USH2A: variants seen among roughly 807,000 people sequenced by gnomAD.
USH2A encodes the protein Usher syndrome 2A (autosomal recessive, mild).
In USH2A, 443 loss-of-function variants were observed where a neutral mutation model predicts 538.9. The ratio of observed to expected loss-of-function variants is 0.82; its 90% CI spans 0.76 to 0.89. The LOEUF (loss-of-function observed/expected upper bound fraction) is 0.89, where lower values mean the gene tolerates loss of function less well. Ranked by LOEUF, USH2A falls within the 40% of genes least tolerant of loss-of-function variation. The pLI is 0.00. For missense variants in USH2A, 6,633 were observed against 6,324.8 expected, an observed-to-expected ratio of 1.05 and a Z score of -1.65; for synonymous variants, 2,413 against 2,273.5, an observed-to-expected ratio of 1.06 and a Z score of -1.75.
intron 21 of USH2A, among the ~76,000 whole-genome samples, chr1:216,100,398 G>A (rs892055666): frequency 2.0e-5 from 3 of 152,172 alleles, no homozygotes; most frequent in African/African-American, 7.2e-5. Flanking sequence ...TACAACCTGA[G>A]CAGAGAACAA....
intron 21 of USH2A, among the ~76,000 whole-genome samples, chr1:216,158,128 C>T (rs989974159): frequency 6.6e-5 from 10 of 152,048 alleles, no homozygotes; most frequent in African/African-American, 2.4e-4. Context: ...ATTTATTATC[C>T]ATTCTACTGT....
chr1:215,759,908 A>G, intron 56 of USH2A, 65 bp from the exon 57 acceptor site: 1 of 1,586,254 alleles, frequency 6.3e-7, no homozygotes. Context: ...CAAAAGTCAC[A>G]CCATCCCCCC....
chr1:215,646,999 G>A (rs911268989), intron 67 of USH2A, among the ~76,000 whole-genome samples: 7 of 152,156 alleles, frequency 4.6e-5, no homozygotes, highest in Non-Finnish European at 1.0e-4. Context: ...CACGACACTC[G>A]CCTAACGATG....
intron 56 of USH2A, 33 bp downstream of exon 56, chr1:215,766,648 T>C (rs756265847): frequency 1.3e-6 from 2 of 1,588,044 alleles, no homozygotes; most frequent in Non-Finnish European, 8.6e-7. Flanking sequence ...TGTGAAAATT[T>C]CTTCCCTCAA....
At chr1:216,253,605 G>A (rs955376912) in intron 11 of USH2A, among the ~76,000 whole-genome samples, 2 of 152,064 alleles carry the variant, frequency 1.3e-5, no homozygotes, top group African/African-American at 2.4e-5. Context: ...AATTCTATGC[G>A]TATTGATCAT....
At chr1:216,153,496 T>G (rs1214559309) in intron 21 of USH2A, among the ~76,000 whole-genome samples, 3 of 152,196 alleles carry the variant, frequency 2.0e-5, no homozygotes, top group African/African-American at 7.2e-5. Flanking sequence ...GGAGCCCAAT[T>G]ATATTCCTAT....
At chr1:216,270,388 C>T (rs2036552096) in intron 11 of USH2A, among the ~76,000 whole-genome samples, 2 of 152,234 alleles carry the variant, frequency 1.3e-5, no homozygotes, top group South Asian at 4.1e-4. Context: ...AAAAGGAAAT[C>T]ATTTAATCAA....
chr1:216,238,596 G>T (rs540390561), intron 13 of USH2A, among the ~76,000 whole-genome samples: 1 of 152,230 alleles, frequency 6.6e-6, no homozygotes, highest in Non-Finnish European at 1.5e-5. Context: ...AAACCAATGT[G>T]TCTCTAATGT....
At position 216,324,333 on chromosome 1, in the gene USH2A, T is replaced by C. The variant is rs1325890734; in HGVS notation, c.1163A>G (p.Gln388Arg). The C allele has an allele frequency of 1.7e-5, 28 of 1,611,698 alleles. No individual in the cohort carries two copies. The highest frequency in any genetic ancestry group is 2.4e-5 in the Non-Finnish European group (28 of 1,178,802). ...TTCCGTTGGTTGTGGACTAAAGAAC[T>C]GAATGATAATATAAAACACCTGAAA... The part of the protein sequence containing the change: ...GQYQVFYIII[Q>R]FFSPQPTEIR... Residue 388 changes from glutamine to arginine, a missense_variant, in exon 7 of 72, where the codon CAG (glutamine) becomes CGG (arginine). Coordinates refer to ENST00000307340, the MANE Select transcript of USH2A (RefSeq NM_206933.4).
intron 61 of USH2A, among the ~76,000 whole-genome samples, chr1:215,684,593 TG>T (rs1658347128): frequency 6.6e-6 from 1 of 152,208 alleles, no homozygotes; most frequent in Admixed American, 6.5e-5. Context: ...CTTTTTACCC[TG>T]CTCCCAGTAA....
chr1:216,041,212 G>A (rs2030259285), intron 32 of USH2A, among the ~76,000 whole-genome samples: 1 of 151,920 alleles, frequency 6.6e-6, no homozygotes, highest in South Asian at 2.1e-4. Flanking sequence ...AACAGCCTTC[G>A]GGAGGTTCTC....
intron 58 of USH2A, among the ~76,000 whole-genome samples, chr1:215,755,148 T>G (rs1462086798): frequency 6.6e-6 from 1 of 151,964 alleles, no homozygotes; most frequent in Non-Finnish European, 1.5e-5. Flanking sequence ...ATATGTGGAG[T>G]TTTTAAAAAG....
intron 37 of USH2A, among the ~76,000 whole-genome samples, chr1:215,949,027 C>CA (rs1470777617): frequency 1.3e-5 from 2 of 152,042 alleles, no homozygotes; most frequent in South Asian, 2.1e-4. Context: ...GGGCTGGACT[C>CA]ACGTTCTTTG....
At chr1:215,626,500 C>T (rs1280284271) in intron 71 of USH2A, among the ~76,000 whole-genome samples, 1 of 151,866 alleles carries the variant, frequency 6.6e-6, no homozygotes. Flanking sequence ...TCCATTTCTT[C>T]CCACTCTTGT....
At chr1:216,174,363 T>A (rs2034331489) in intron 21 of USH2A, 1 of 983,854 alleles carries the variant, frequency 1.0e-6, no homozygotes, top group Non-Finnish European at 1.2e-6. Context: ...ATAAGTAGAG[T>A]TTTTTTACAG....
Position 215,634,455 on chromosome 1 carries a change from A to G in USH2A, c.15297+4T>C. 6.2e-7 allele frequency: 1 copy of G among 1,614,212 alleles called. No individual in the cohort carries two copies. Among genetic ancestry groups the G allele is most frequent in the South Asian group, 1.1e-5 (1 of 91,082 alleles). ...GAAATGGGGCCACACCTCTACAAACATACCATATGGTTTTCCCCCGGTGGG... is the reference window on the plus strand; with the variant it reads ...GAAATGGGGCCACACCTCTACAAACGTACCATATGGTTTTCCCCCGGTGGG... On this transcript the variant is annotated splice_donor_region_variant and intron_variant, in intron 70 of 71. Coordinates refer to ENST00000307340, the MANE Select transcript of USH2A (RefSeq NM_206933.4).
At chr1:216,171,625 G>A (rs2034278485) in intron 21 of USH2A, among the ~76,000 whole-genome samples, 3 of 151,986 alleles carry the variant, frequency 2.0e-5, no homozygotes, top group Admixed American at 2.0e-4. Context: ...AATGTTTAAT[G>A]AGTACTAAAT....
At position 215,845,833 on chromosome 1, in the gene USH2A, A is replaced by G. The variant is rs1472655556; in HGVS notation, c.9046T>C (p.Cys3016Arg). ...TAGAATCTGGACTCACCCCCATCGC[A>G]AGTGGTTGCATGAAGTCCTGCACTG... Reference protein sequence around the residue: ...INSAGLHATTCDGEPQGMLPP... With the variant: ...INSAGLHATTRDGEPQGMLPP... Residue 3016 changes from cysteine (C) to arginine (R), a missense_variant, in exon 45 of 72, where the codon TGC becomes CGC. By Grantham distance (180) the Cys-to-Arg change is radical (BLOSUM62 -3). Coordinates refer to ENST00000307340, the MANE Select transcript of USH2A (RefSeq NM_206933.4). The G allele has an allele frequency of 6.2e-7, 1 of 1,613,508 alleles. No homozygotes were observed. The highest frequency in any genetic ancestry group is 8.5e-7 in the Non-Finnish European group (1 of 1,179,780).
At chr1:215,941,849 T>C (rs1666641614) in intron 37 of USH2A, among the ~76,000 whole-genome samples, 1 of 152,298 alleles carries the variant, frequency 6.6e-6, no homozygotes, top group Non-Finnish European at 1.5e-5. Flanking sequence ...ATGAGAATGA[T>C]ATCATGTTTT....
Sources: allele counts gnomAD v4.1 joint callset (sites outside exome capture counted in the v4.1 genomes callset), GRCh38; gene constraint gnomAD v4.1.1; transcripts MANE v1.5; gene names NCBI Gene and HGNC (gene_info 2026-07-23, HGNC 2026-07-21).